The following BRINP2 variants were observed in gnomAD, a reference collection of about 807,000 sequenced individuals.
BRINP2 encodes the protein BMP/retinoic acid inducible neural specific 2, also known as BMP/retinoic acid-inducible neural-specific protein 2.
Under a neutral mutation model 69.2 loss-of-function variants are expected in BRINP2, and 21 were observed. The observed-to-expected ratio is 0.30, with a 90% CI of 0.22 to 0.44. BRINP2 has a LOEUF of 0.44. Among genes scored for constraint, BRINP2 ranks in the 20% least tolerant of loss-of-function variants. The probability of loss-of-function intolerance (pLI) is 1.00; values close to 1 mark genes in which losing one functional copy is unlikely to be tolerated. For missense variants in BRINP2, 877 were observed against 986.0 expected, an observed-to-expected ratio of 0.89 and a Z score of 1.48; for synonymous variants, 380 against 394.1, an observed-to-expected ratio of 0.96 and a Z score of 0.42.
At chr1:177,195,326 A>C (rs1329446521) in intron 1 of BRINP2, among the ~76,000 whole-genome samples, 13 of 151,974 alleles carry the variant, frequency 8.6e-5, no homozygotes, top group Non-Finnish European at 1.5e-4. Context: ...CTTTTGTGAT[A>C]AGCAAACTTC....
chr1:177,232,776 G>A (rs1349968550), intron 2 of BRINP2, among the ~76,000 whole-genome samples: 3 of 144,412 alleles, frequency 2.1e-5, no homozygotes, highest in Non-Finnish European at 4.7e-5. Context: ...CAGAAGAGTA[G>A]AAAGAGGAAA....
At chr1:177,175,395 A>G (rs758358854) in intron 1 of BRINP2, among the ~76,000 whole-genome samples, 1 of 152,182 alleles carries the variant, frequency 6.6e-6, no homozygotes, top group Non-Finnish European at 1.5e-5. Flanking sequence ...GGGCAATGCC[A>G]AGGAAGGGCC....
chr1:177,236,639 A>G (rs1347339468), intron 2 of BRINP2, among the ~76,000 whole-genome samples: 3 of 152,198 alleles, frequency 2.0e-5, no homozygotes, highest in African/African-American at 7.2e-5. Flanking sequence ...AAGGTCAAGG[A>G]AAGCTGGAAT....
At chr1:177,239,720 C>T (rs1650136884) in intron 2 of BRINP2, among the ~76,000 whole-genome samples, 2 of 152,194 alleles carry the variant, frequency 1.3e-5, no homozygotes, top group African/African-American at 4.8e-5. Flanking sequence ...TTCACATTCA[C>T]AGCACACTAG....
At chr1:177,215,331 G>A (rs1455335001) in intron 1 of BRINP2, among the ~76,000 whole-genome samples, 1 of 152,122 alleles carries the variant, frequency 6.6e-6, no homozygotes, top group Non-Finnish European at 1.5e-5. Flanking sequence ...GAATTCATAT[G>A]TTGCTTTGAG....
chr1:177,274,570 G>A (rs1651436712), intron 5 of BRINP2, among the ~76,000 whole-genome samples: 1 of 152,216 alleles, frequency 6.6e-6, no homozygotes, highest in South Asian at 2.1e-4. Flanking sequence ...CTGGGTTTGT[G>A]TCTGGAAAGT....
At chr1:177,261,752 C>G (rs762433571) in intron 4 of BRINP2, among the ~76,000 whole-genome samples, 1 of 152,084 alleles carries the variant, frequency 6.6e-6, no homozygotes, top group Non-Finnish European at 1.5e-5. Context: ...GTGAGTGCAA[C>G]TAGGAAAGTG....
intron 2 of BRINP2, among the ~76,000 whole-genome samples, chr1:177,251,546 C>T (rs1203815512): frequency 6.6e-6 from 1 of 152,178 alleles, no homozygotes; most frequent in East Asian, 1.9e-4. Flanking sequence ...TTCTTAATCT[C>T]TCTGGGTCCA....
At chr1:177,206,649 G>A (rs1221059970) in intron 1 of BRINP2, among the ~76,000 whole-genome samples, 3 of 152,196 alleles carry the variant, frequency 2.0e-5, no homozygotes, top group Non-Finnish European at 4.4e-5. Context: ...CTGAAGAACT[G>A]TGTGGAGACA....
chr1:177,199,758 G>T (rs955510586), intron 1 of BRINP2, among the ~76,000 whole-genome samples: 8 of 152,090 alleles, frequency 5.3e-5, no homozygotes, highest in African/African-American at 1.9e-4. Flanking sequence ...AAAAGTAGAA[G>T]ACTTTTTAAA....
At chr1:177,217,699 T>A (rs1342829967) in intron 1 of BRINP2, among the ~76,000 whole-genome samples, 1 of 152,172 alleles carries the variant, frequency 6.6e-6, no homozygotes, top group East Asian at 1.9e-4. Context: ...GGATGGGTCA[T>A]TCTGGATGAG....
At chr1:177,273,294 T>C (rs1571947447) in intron 4 of BRINP2, among the ~76,000 whole-genome samples, 194 bp from the exon 5 acceptor site, 1 of 152,212 alleles carries the variant, frequency 6.6e-6, no homozygotes, top group South Asian at 2.1e-4. Context: ...GCCAGCTATA[T>C]GTAACAGATA....
intron 4 of BRINP2, 50 bp from the exon 5 acceptor site, chr1:177,273,438 G>T: frequency 8.0e-7 from 1 of 1,255,288 alleles, no homozygotes; most frequent in Non-Finnish European, 1.1e-6. Flanking sequence ...AAGTATAAAG[G>T]GAGTCTCCAC....
intron 2 of BRINP2, among the ~76,000 whole-genome samples, chr1:177,240,400 T>C (rs1650161660): frequency 6.6e-6 from 1 of 152,216 alleles, no homozygotes; most frequent in South Asian, 2.1e-4. Flanking sequence ...CATTACATGC[T>C]GCATACATGG....
intron 4 of BRINP2, among the ~76,000 whole-genome samples, chr1:177,265,985 T>C (rs1418503353): frequency 1.3e-5 from 2 of 151,732 alleles, no homozygotes; most frequent in East Asian, 1.9e-4. Flanking sequence ...CTGGGCGTGG[T>C]GGCAGGCGCC....
intron 3 of BRINP2, 128 bp from the exon 4 acceptor site, chr1:177,257,048 A>C: frequency 6.4e-7 from 1 of 1,554,576 alleles, no homozygotes; most frequent in Non-Finnish European, 8.7e-7. Context: ...GGGCTGGGGG[A>C]AGAGCTTGGC....
chr1:177,280,902 C>G lies in BRINP2; in HGVS notation c.1726C>G (p.Leu576Val). 6.2e-7 allele frequency: 1 copy of G among 1,614,220 alleles called. No individual in the cohort carries two copies. The highest frequency in any genetic ancestry group is 1.1e-5 in the South Asian group (1 of 91,086). Residue 576 changes from leucine (L) to valine (V), a missense_variant, in exon 8 of 8, where the codon CTC becomes GTC. Physicochemically the swap from Leu to Val is conservative, Grantham distance 32. Transcript: ENST00000361539. ...VMLALSLQIC[L>V]TKNSTLEPVM... ...GTTGGCCTTGTCCTTGCAGATCTGT[C>G]TCACCAAGAACAGCACCCTGGAGCC...
chr1:177,238,770 GGAAA>G, intron 2 of BRINP2, among the ~76,000 whole-genome samples: 1 of 152,176 alleles, frequency 6.6e-6, no homozygotes, highest in East Asian at 1.9e-4. Flanking sequence ...TTTAACTTAG[GGAAA>G]GAAAGCATTC....
At chr1:177,280,332 C>A in intron 7 of BRINP2, 80 bp from the exon 8 acceptor site, 2 of 1,366,942 alleles carry the variant, frequency 1.5e-6, no homozygotes, top group Non-Finnish European at 1.0e-6. Context: ...GCCTAGTGGT[C>A]AATGTCTTGC....
Sources: allele counts gnomAD v4.1 joint callset (sites outside exome capture counted in the v4.1 genomes callset), GRCh38; gene constraint gnomAD v4.1.1; transcripts MANE v1.5; gene names NCBI Gene and HGNC (gene_info 2026-07-23, HGNC 2026-07-21).